DOCK7: variants seen among roughly 807,000 people sequenced by gnomAD.
The protein encoded by DOCK7 is dedicator of cytokinesis protein 7.
In DOCK7, 138 loss-of-function variants were observed where a neutral mutation model predicts 271.0. The ratio of observed to expected loss-of-function variants is 0.51; its 90% CI spans 0.44 to 0.59. DOCK7 has a LOEUF of 0.59. DOCK7 is among the 20% of genes least tolerant of loss of function. DOCK7 has a pLI of 0.00. For missense variants in DOCK7, 2,066 were observed against 2,592.4 expected, an observed-to-expected ratio of 0.80 and a Z score of 4.41; for synonymous variants, 823 against 876.1, an observed-to-expected ratio of 0.94 and a Z score of 1.07.
chr1:62,637,440 C>A lies in DOCK7; in HGVS notation c.819-837G>T, dbSNP rs1340784447. ...GCCCCCAAGGGAACATTTGGCAATA[C>A]CTACATACATTTTTGGTTATCGAAA... On this transcript the variant is annotated intron_variant, in intron 7 of 49. Coordinates refer to ENST00000635253, the MANE Select transcript of DOCK7 (RefSeq NM_001367561.1). 3.9e-4 allele frequency among the ~76,000 whole-genome samples: 60 copies of A among 152,068 alleles called. 1 individual carries two copies. Among genetic ancestry groups the A allele is most frequent in the Admixed American group, 3.9e-3 (60 of 15,262 alleles).
At chr1:62,604,833 A>G in intron 14 of DOCK7, 1 of 1,608,912 alleles carries the variant, frequency 6.2e-7, no homozygotes, top group Non-Finnish European at 8.5e-7. Flanking sequence ...GGCAAATTTA[A>G]AAGGCAATAA....
chr1:62,654,307 A>C, intron 2 of DOCK7, 148 bp from the exon 3 acceptor site: 1 of 748,592 alleles, frequency 1.3e-6, no homozygotes, highest in Non-Finnish European at 2.1e-6. Context: ...CAGATGCACT[A>C]AAGAAAACAC....
At chr1:62,680,501 C>T (rs376606630) in intron 1 of DOCK7, among the ~76,000 whole-genome samples, 1 of 150,672 alleles carries the variant, frequency 6.6e-6, no homozygotes, top group Admixed American at 6.6e-5. Flanking sequence ...GTCTAAAACA[C>T]CAAAAGCAAT....
intron 43 of DOCK7, chr1:62,483,214 G>GTTTTTTTTTTTTTTTTTTTTTTT (rs1477266538): frequency 2.1e-5 from 1 of 48,530 alleles, no homozygotes. Context: ...TTTTTTTTGG[G>GTTTTTTTTTTTTTTTTTTTTTTT]TAGAGATGAG....
At position 62,460,310 on chromosome 1, in the gene DOCK7, C is replaced by T. The variant is rs78071177; in HGVS notation, c.6213-2605G>A. On this transcript the variant is annotated intron_variant, in intron 48 of 49. Coordinates refer to ENST00000635253, the MANE Select transcript of DOCK7 (RefSeq NM_001367561.1). Reference sequence around the variant, plus strand: ...CCTCCCTATCTGTGGGTTCTGCATGCATGAATTAGACCAACCATGGATTGA... The same window carrying T: ...CCTCCCTATCTGTGGGTTCTGCATGTATGAATTAGACCAACCATGGATTGA... 3.7e-3 allele frequency among the ~76,000 whole-genome samples: 565 copies of T among 152,006 alleles called. 1 individual carries two copies. The highest frequency in any genetic ancestry group is 0.011 in the African/African-American group (451 of 41,456).
intron 14 of DOCK7, chr1:62,605,075 C>A: frequency 2.6e-6 from 1 of 386,616 alleles, no homozygotes. Context: ...TGGTCACAAT[C>A]TAGATTATAA....
At chr1:62,656,960 G>C (rs978379530) in intron 2 of DOCK7, among the ~76,000 whole-genome samples, 2 of 152,204 alleles carry the variant, frequency 1.3e-5, no homozygotes, top group African/African-American at 4.8e-5. Flanking sequence ...CTCCCCACCA[G>C]GGTAGTATCA....
At chr1:62,618,933 T>A (rs538699746) in intron 13 of DOCK7, 65 bp from the exon 14 acceptor site, 27 of 1,463,830 alleles carry the variant, frequency 1.8e-5, no homozygotes, top group Non-Finnish European at 2.5e-5. Context: ...ACATGTTTTT[T>A]AAAGGACTTG....
intron 34 of DOCK7, among the ~76,000 whole-genome samples, chr1:62,509,405 T>C (rs1374932519): frequency 1.3e-5 from 2 of 151,088 alleles, no homozygotes; most frequent in Non-Finnish European, 2.9e-5. Flanking sequence ...TGACATTTTA[T>C]AAAGAAACAT....
rs1646917044 is a variant in DOCK7, at chr1:62,505,696, C to T, written c.4597G>A (p.Ala1533Thr). 6.2e-7 allele frequency: 1 copy of T among 1,607,540 alleles called. No individual in the cohort carries two copies. Among genetic ancestry groups the T allele is most frequent in the East Asian group, 2.2e-5 (1 of 44,744 alleles). The change falls in exon 36 of 50, where the codon GCC becomes ACC. Residue 1533 changes from alanine to threonine, a missense_variant. Coordinates refer to ENST00000635253, the MANE Select transcript of DOCK7 (RefSeq NM_001367561.1). ...AAATAACCTACCTTTGAAACCAAGG[C>T]TCTCTGTGTAGCAAAACAGTGTTGT... The part of the protein sequence containing the change: ...YLQHCFATQR[A>T]LVSKFPELLF...
rs570997508 is a variant in DOCK7, at chr1:62,580,860, G to A, written c.1872-1894C>T. On this transcript the variant is annotated intron_variant, in intron 16 of 49. Coordinates refer to ENST00000635253, the MANE Select transcript of DOCK7 (RefSeq NM_001367561.1). ...GTTTTTACATTTTTAAATGATTGGG[G>A]GTAAAAAAGAATAATATTTCACAAC... 2.0e-5 allele frequency among the ~76,000 whole-genome samples: 3 copies of A among 151,964 alleles called. No individual in the cohort carries two copies. In the East Asian group the frequency reaches 5.8e-4, roughly 29 times the overall value.
In DOCK7 at chr1:62,561,721, T is replaced by A. The variant is rs201000785; in HGVS notation, c.2113-18A>T. 1.1e-5 allele frequency: 16 copies of A among 1,426,200 alleles called. No homozygotes were observed. The highest frequency in any genetic ancestry group is 1.8e-5 in the African/African-American group (1 of 54,734). The allele number at this position is 1,426,200 out of a possible 1,614,324, so 88.3% of individuals were successfully genotyped here. A position where few individuals can be genotyped will look rare whatever the true frequency, so the allele number is the denominator to read the frequency against. On this transcript the variant is annotated intron_variant, in intron 18 of 49. Transcript: ENST00000635253. ...AGAGGAACCTGTAAGATATTAAATATAATGATCACAGATGCTTAAGTAGAT... is the reference window on the plus strand; with the variant it reads ...AGAGGAACCTGTAAGATATTAAATAAAATGATCACAGATGCTTAAGTAGAT...
chr1:62,578,328 ATTAG>A (rs1215265078), intron 17 of DOCK7, among the ~76,000 whole-genome samples: 2 of 152,316 alleles, frequency 1.3e-5, no homozygotes, highest in South Asian at 2.1e-4. Flanking sequence ...AATTAATTAC[ATTAG>A]TTAATTACAT....
rs1655745113 is a variant in DOCK7 at position 62,639,604 on chromosome 1, T to C, written c.819-3001A>G. On this transcript the variant is annotated intron_variant, in intron 7 of 49. Transcript: ENST00000635253. ...CGCATGCCACCACACCCAGCCAATT[T>C]TTTGTATTTTTAGTAGAGGGTTCAC... 2.6e-5 allele frequency among the ~76,000 whole-genome samples: 4 copies of C among 151,826 alleles called. No homozygotes were observed. The South Asian group carries it at 8.4e-4, about 32-fold the overall frequency.
chr1:62,681,549 AT>A (rs371370021), intron 1 of DOCK7, among the ~76,000 whole-genome samples: 129,629 of 144,442 alleles, frequency 0.9, 58,221 homozygotes, highest in Non-Finnish European at 0.96. Context: ...AATAAAAAAA[AT>A]AAAATAAAAA....
intron 29 of DOCK7, among the ~76,000 whole-genome samples, chr1:62,531,274 T>C (rs903907558): frequency 2.0e-5 from 3 of 152,194 alleles, no homozygotes; most frequent in Non-Finnish European, 4.4e-5. Context: ...CTCCAATCTA[T>C]ATAAACTCTA....
At chr1:62,574,203 G>A (rs558202484) in intron 18 of DOCK7, among the ~76,000 whole-genome samples, 13 of 152,156 alleles carry the variant, frequency 8.5e-5, no homozygotes, top group African/African-American at 2.4e-4. Flanking sequence ...GGTACTCTAC[G>A]GAAAGGAGTG....
chr1:62,584,228 A>G (rs1647246958), intron 15 of DOCK7: 2 of 979,838 alleles, frequency 2.0e-6, no homozygotes, highest in Admixed American at 1.2e-4. Flanking sequence ...CTTTTATTTT[A>G]AGGGTATGTA....
In DOCK7 at chr1:62,634,779, T is replaced by C. The variant is rs1214748119; in HGVS notation, c.1029A>G (p.Val343=). Residue 343 remains valine, a synonymous_variant, in exon 9 of 50, where the codon GTA becomes GTG. Coordinates refer to ENST00000635253, the MANE Select transcript of DOCK7 (RefSeq NM_001367561.1). ...ITYPSQDVFL[V]IKLEKVLQQG... ...TATTTAACATTATTCTCACCTTTATTACAAGAAAAACATCTTGGGAAGGAT... is the reference window on the plus strand; with the variant it reads ...TATTTAACATTATTCTCACCTTTATCACAAGAAAAACATCTTGGGAAGGAT... 4 of 1,611,758 alleles carry C rather than the reference T, an allele frequency of 2.5e-6. No individual in the cohort carries two copies.
Sources: gnomAD v4.1 joint callset for allele counts (sites outside exome capture counted in the v4.1 genomes callset) on GRCh38, gnomAD v4.1.1 for gene constraint, MANE v1.5 for transcripts, NCBI Gene and HGNC (gene_info 2026-07-23, HGNC 2026-07-21) for gene names.